The following SLC44A5 variants were observed in gnomAD, a reference collection of about 807,000 sequenced individuals.
SLC44A5 encodes the protein solute carrier family 44 member 5, also known as choline transporter-like protein 5.
In SLC44A5, 57 loss-of-function variants were observed where a neutral mutation model predicts 101.8. That is an observed-to-expected ratio of 0.56 (90% CI 0.45 to 0.70). The LOEUF is 0.70. Ranked by LOEUF, SLC44A5 falls within the 30% of genes least tolerant of loss-of-function variation. The pLI is 0.00. For missense variants in SLC44A5, 737 were observed against 853.1 expected (o/e 0.86, Z 1.70); for synonymous variants, 281 against 290.9 (o/e 0.97, Z 0.35).
chr1:75,650,281 G>A, the SLC44A5 span, among the ~76,000 whole-genome samples: 11 of 152,160 alleles, frequency 7.2e-5, no homozygotes, highest in South Asian at 6.2e-4. Context: ...CACATGCAGC[G>A]TGTTGTACAA....
chr1:75,302,104 G>GTTTTTTTTTTTTTTTTTTTTTTTTT lies in SLC44A5; in HGVS notation c.102-1420_102-1419insAAAAAAAAAAAAAAAAAAAAAAAAA, dbSNP rs1204998592. 8.1e-5 allele frequency among the ~76,000 whole-genome samples: 4 copies of GTTTTTTTTTTTTTTTTTTTTTTTTT among 49,590 alleles called. 1 individual carries two copies. Among genetic ancestry groups the GTTTTTTTTTTTTTTTTTTTTTTTTT allele is most frequent in the African/African-American group, 1.9e-4 (2 of 10,534 alleles). 32.5% of individuals were successfully genotyped at this position (49,590 alleles called of 152,430 possible). On this transcript the variant is annotated intron_variant, in intron 4 of 23. Coordinates refer to ENST00000370859, the MANE Select transcript of SLC44A5 (RefSeq NM_001130058.2). ...ACAAGAGAAGAAAGCAGGTGCTCTA[G>GTTTTTTTTTTTTTTTTTTTTTTTTT]TTTTTTTGTTTTTTTTTTTTTTTTT...
chr1:75,554,241 C>T (rs1444107692), intron 1 of SLC44A5, among the ~76,000 whole-genome samples: 1 of 151,986 alleles, frequency 6.6e-6, no homozygotes, highest in Non-Finnish European at 1.5e-5. Flanking sequence ...CTTTGAGAGG[C>T]CAAGGCAGGC....
intron 2 of SLC44A5, among the ~76,000 whole-genome samples, chr1:75,480,964 G>A (rs1667806614): frequency 6.6e-6 from 1 of 152,146 alleles, no homozygotes; most frequent in African/African-American, 2.4e-5. Flanking sequence ...TAAGCGAAAA[G>A]AACAAAGCTG....
At position 75,261,453 on chromosome 1, in the gene SLC44A5, C is replaced by T. The variant is rs182666210; in HGVS notation, c.261-10159G>A. 6.6e-4 allele frequency among the ~76,000 whole-genome samples: 101 copies of T among 152,168 alleles called. 2 individuals carry two copies. The highest frequency in any genetic ancestry group is 2.2e-3 in the African/African-American group (92 of 41,488). ...ATAACTTCCTGGACACATACACCCT[C>T]CCAAGACTAAACCAGGGAGAAGTTG... is the stretch of plus-strand genomic sequence containing the variant. On this transcript the variant is annotated intron_variant, in intron 6 of 23. Coordinates refer to ENST00000370859, the MANE Select transcript of SLC44A5 (RefSeq NM_001130058.2).
intron 6 of SLC44A5, among the ~76,000 whole-genome samples, chr1:75,254,093 C>T (rs1309711632): frequency 6.6e-6 from 1 of 151,770 alleles, no homozygotes; most frequent in African/African-American, 2.4e-5. Context: ...GGCTGGAGTG[C>T]AGTGGCGCAA....
the SLC44A5 span, among the ~76,000 whole-genome samples, chr1:75,691,783 T>A: frequency 6.6e-6 from 1 of 152,218 alleles, no homozygotes; most frequent in Non-Finnish European, 1.5e-5. Flanking sequence ...CTTTCATGTC[T>A]TTACATGGCA....
chr1:75,287,942 C>G (rs1653205207), intron 5 of SLC44A5, among the ~76,000 whole-genome samples: 4 of 152,100 alleles, frequency 2.6e-5, no homozygotes, highest in African/African-American at 4.8e-5. Context: ...GGAGGTGATG[C>G]TTTCAAGACA....
rs535191848 is a variant in SLC44A5, at chr1:75,207,316, C to T, written c.2048-3483G>A. On this transcript the variant is annotated intron_variant, in intron 23 of 23. Coordinates refer to ENST00000370859, the MANE Select transcript of SLC44A5 (RefSeq NM_001130058.2). ...TAAGGCACCCTGTCCTAAATTCTTG[C>T]GGTCTTCCTCAGATTGTATTTGAAA... is the stretch of plus-strand genomic sequence containing the variant. Among the ~76,000 whole-genome samples the T allele has an allele frequency of 4.6e-5, 7 of 152,238 alleles. No homozygotes were observed. The South Asian group carries it at 1.0e-3, about 23-fold the overall frequency.
chr1:75,423,960 G>A (rs1664159351), intron 2 of SLC44A5, among the ~76,000 whole-genome samples: 1 of 152,210 alleles, frequency 6.6e-6, no homozygotes. Context: ...TTTGCTGGAT[G>A]CCCCTATGCC....
At chr1:75,294,437 TA>T (rs1653804724) in intron 5 of SLC44A5, among the ~76,000 whole-genome samples, 1 of 152,134 alleles carries the variant, frequency 6.6e-6, no homozygotes, top group South Asian at 2.1e-4. Flanking sequence ...CTCAAAAAAT[TA>T]AAAATAGAAT....
chr1:75,597,493 A>G (rs1674709877), intron 1 of SLC44A5, among the ~76,000 whole-genome samples: 1 of 152,212 alleles, frequency 6.6e-6, no homozygotes, highest in Non-Finnish European at 1.5e-5. Flanking sequence ...TAGCCAAGGC[A>G]ATCATACACA....
chr1:75,324,914 A>G (rs572343616), intron 4 of SLC44A5, among the ~76,000 whole-genome samples: 3 of 152,224 alleles, frequency 2.0e-5, no homozygotes, highest in Non-Finnish European at 4.4e-5. Context: ...CCCAATGAAC[A>G]ATGAAAGTTA....
the SLC44A5 span, among the ~76,000 whole-genome samples, chr1:75,663,778 A>G: frequency 6.6e-6 from 1 of 152,182 alleles, no homozygotes; most frequent in Non-Finnish European, 1.5e-5. Flanking sequence ...TTCTTAAAAT[A>G]GAGGATCAAC....
At chr1:75,586,063 T>A (rs1024663699) in intron 1 of SLC44A5, among the ~76,000 whole-genome samples, 2 of 152,200 alleles carry the variant, frequency 1.3e-5, no homozygotes, top group African/African-American at 4.8e-5. Flanking sequence ...TGGATGTATC[T>A]ATGAGGGTGT....
chr1:75,681,036 C>T, the SLC44A5 span, among the ~76,000 whole-genome samples: 1 of 150,932 alleles, frequency 6.6e-6, no homozygotes, highest in African/African-American at 2.4e-5. Flanking sequence ...TTCCTTGACA[C>T]ATACACTCTC....
the SLC44A5 span, among the ~76,000 whole-genome samples, chr1:75,684,924 C>A: frequency 6.6e-6 from 1 of 152,320 alleles, no homozygotes; most frequent in East Asian, 1.9e-4. Context: ...TCCACACTGA[C>A]CTAGAAGAGG....
In SLC44A5 at chr1:75,482,098, T is replaced by G. The variant is rs972272070; in HGVS notation, c.13+59337A>C. On this transcript the variant is annotated intron_variant, in intron 2 of 23. Coordinates refer to ENST00000370859, the MANE Select transcript of SLC44A5 (RefSeq NM_001130058.2). ...TGGAATACTATGCAGCCATAAAAAA[T>G]GATGAGTTCATGTCCTTTCTAGGGA... Among the ~76,000 whole-genome samples the G allele has an allele frequency of 3.3e-5, 5 of 152,104 alleles. No individual in the cohort carries two copies. The East Asian group carries it at 5.8e-4, about 18-fold the overall frequency.
intron 2 of SLC44A5, among the ~76,000 whole-genome samples, chr1:75,527,302 G>A (rs1392917562): frequency 8.3e-6 from 1 of 120,120 alleles, no homozygotes; most frequent in Admixed American, 9.1e-5. Context: ...GAGAGAAAGA[G>A]AGACAGAAAG....
At chr1:75,626,670 C>T in the SLC44A5 span, among the ~76,000 whole-genome samples, 2 of 152,116 alleles carry the variant, frequency 1.3e-5, no homozygotes, top group Non-Finnish European at 2.9e-5. Flanking sequence ...TTTTCATTAG[C>T]TCAGTCCCTT....
Sources: allele counts gnomAD v4.1 joint callset (sites outside exome capture counted in the v4.1 genomes callset), GRCh38; gene constraint gnomAD v4.1.1; transcripts MANE v1.5; gene names NCBI Gene and HGNC (gene_info 2026-07-23, HGNC 2026-07-21).